Variants in FANCC observed in about 807,000 individuals in gnomAD.
FANCC encodes FA complementation group C.
FANCC carries 55 observed loss-of-function variants against 71.3 expected under a neutral mutation model. The observed-to-expected ratio is 0.77, with a 90% CI of 0.62 to 0.97. The LOEUF is 0.97. Ranked by LOEUF, FANCC falls within the 50% of genes least tolerant of loss-of-function variation. FANCC has a pLI of 0.00. For missense variants in FANCC, 678 were observed against 670.9 expected, an observed-to-expected ratio of 1.01 and a Z score of -0.12; for synonymous variants, 275 against 244.9, an observed-to-expected ratio of 1.12 and a Z score of -1.15.
chr9:95,125,631 T>G (rs1825861474), intron 9 of FANCC, among the ~76,000 whole-genome samples: 1 of 152,228 alleles, frequency 6.6e-6, no homozygotes, highest in African/African-American at 2.4e-5. Context: ...ACAATTAATT[T>G]TTCTTTATGT....
intron 4 of FANCC, among the ~76,000 whole-genome samples, chr9:95,214,054 A>T (rs1828688807): frequency 6.6e-6 from 1 of 152,248 alleles, no homozygotes; most frequent in Non-Finnish European, 1.5e-5. Flanking sequence ...GTTCAACACC[A>T]TTAATCATTA....
At chr9:95,249,046 TG>T in intron 2 of FANCC, 80 bp downstream of exon 2, 1 of 1,474,378 alleles carries the variant, frequency 6.8e-7, no homozygotes, top group Non-Finnish European at 9.4e-7. Flanking sequence ...GTCCCGATTC[TG>T]GGTGGCATTC....
chr9:95,293,508 A>T, intron 1 of FANCC: 1 of 1,590,878 alleles, frequency 6.3e-7, no homozygotes, highest in East Asian at 2.2e-5. Context: ...GAACTTGGGT[A>T]AAAGTCCATC....
At chr9:95,309,118 A>T (rs1314048745) in intron 1 of FANCC, among the ~76,000 whole-genome samples, 6 of 152,230 alleles carry the variant, frequency 3.9e-5, no homozygotes, top group Admixed American at 3.9e-4. Flanking sequence ...TGTTACTCCT[A>T]AAACTGGCTG....
In FANCC at chr9:95,195,626, A is replaced by G. The variant is rs137877346; in HGVS notation, c.346-23479T>C. ...TGCTTTTCCCTATAAATTCTAGAAT[A>G]AGTCTGCCTATGAATATAAAAAGCC... On this transcript the variant is annotated intron_variant, in intron 4 of 14. Coordinates refer to ENST00000289081, the MANE Select transcript of FANCC (RefSeq NM_000136.3). Among the ~76,000 whole-genome samples, 6 of 152,356 alleles carry G rather than the reference A, an allele frequency of 3.9e-5. No homozygotes were observed. The East Asian group carries it at 1.2e-3, about 29-fold the overall frequency.
At chr9:95,255,812 G>A (rs556916339) in intron 1 of FANCC, among the ~76,000 whole-genome samples, 4 of 152,146 alleles carry the variant, frequency 2.6e-5, no homozygotes, top group African/African-American at 9.6e-5. Context: ...AAAAAGGTTA[G>A]AGGAACTGCT....
intron 4 of FANCC, among the ~76,000 whole-genome samples, chr9:95,229,344 GCACA>G (rs1829840719): frequency 1.3e-5 from 2 of 151,286 alleles, no homozygotes; most frequent in East Asian, 1.9e-4. Flanking sequence ...CTCTAGGAGA[GCACA>G]CACAAAGATA....
intron 4 of FANCC, among the ~76,000 whole-genome samples, chr9:95,177,973 C>T (rs747959444): frequency 6.6e-6 from 1 of 152,210 alleles, no homozygotes; most frequent in African/African-American, 2.4e-5. Flanking sequence ...GACTCTCCAG[C>T]CCAAGCTTGT....
rs576605250 is a variant in FANCC, at chr9:95,244,678, C to CAAAAAAAA, written c.250+2746_250+2753dup. On this transcript the variant is annotated intron_variant, in intron 3 of 14. Coordinates refer to ENST00000289081, the MANE Select transcript of FANCC (RefSeq NM_000136.3). Reference sequence around the variant, plus strand: ...TAGGCAACAGAGCAAGACTTTGTCTCAAAAAAAAAAAAAAAAAAAAAAAAA... The same window carrying CAAAAAAAA: ...TAGGCAACAGAGCAAGACTTTGTCTCAAAAAAAAAAAAAAAAAAAAAAAAAAAAAAAAA... Among the ~76,000 whole-genome samples the CAAAAAAAA allele has an allele frequency of 2.2e-4, 9 of 41,570 alleles. 1 individual carries two copies. Among genetic ancestry groups the CAAAAAAAA allele is most frequent in the East Asian group, 8.9e-4 (1 of 1,124 alleles). The allele number at this position is 41,570 out of a possible 152,430, so 27.3% of individuals were successfully genotyped here.
At chr9:95,159,397 G>T (rs186796187) in intron 6 of FANCC, among the ~76,000 whole-genome samples, 1 of 152,302 alleles carries the variant, frequency 6.6e-6, no homozygotes, top group African/African-American at 2.4e-5. Flanking sequence ...ATTCCATGGT[G>T]TATTTGTGCC....
At chr9:95,117,444 C>T (rs1427968332) in intron 10 of FANCC, 54 bp from the exon 11 acceptor site, 1 of 1,465,182 alleles carries the variant, frequency 6.8e-7, no homozygotes, top group Admixed American at 1.8e-5. Context: ...GAAACGGGGT[C>T]AGGAAAATAC....
At chr9:95,276,207 C>A (rs1459762387) in intron 1 of FANCC, among the ~76,000 whole-genome samples, 3 of 152,194 alleles carry the variant, frequency 2.0e-5, no homozygotes, top group African/African-American at 7.2e-5. Flanking sequence ...AATGAATTTT[C>A]AACGTCAACT....
intron 1 of FANCC, among the ~76,000 whole-genome samples, chr9:95,261,820 A>G (rs1204894778): frequency 6.6e-6 from 1 of 152,222 alleles, no homozygotes; most frequent in Non-Finnish European, 1.5e-5. Context: ...GGCAGTGTCC[A>G]GTGAAGGACC....
chr9:95,195,966 C>T (rs4744445), intron 4 of FANCC, among the ~76,000 whole-genome samples: 34,177 of 152,066 alleles, frequency 0.22, 4,979 homozygotes, highest in Non-Finnish European at 0.33. Context: ...TATCCTGCAG[C>T]TCTGCTGACC....
At chr9:95,138,241 G>A (rs114909836) in intron 7 of FANCC, among the ~76,000 whole-genome samples, 8 of 152,342 alleles carry the variant, frequency 5.3e-5, no homozygotes, top group African/African-American at 1.7e-4. Flanking sequence ...ACAGGACCAC[G>A]TTGGCTCTGA....
chr9:95,153,917 T>C (rs1390800455), intron 6 of FANCC, among the ~76,000 whole-genome samples: 2 of 152,208 alleles, frequency 1.3e-5, no homozygotes, highest in South Asian at 2.1e-4. Context: ...CTTCAATGTG[T>C]TGTTTGTTGT....
intron 1 of FANCC, among the ~76,000 whole-genome samples, chr9:95,264,587 G>A (rs1225210841): frequency 2.0e-5 from 3 of 152,142 alleles, no homozygotes; most frequent in Non-Finnish European, 4.4e-5. Flanking sequence ...TCTCAAAGTG[G>A]AGGCGACCTG....
chr9:95,317,050 G>T (rs1835791185), intron 1 of FANCC: 1 of 152,468 alleles, frequency 6.6e-6, no homozygotes, highest in African/African-American at 2.4e-5. Flanking sequence ...CGGGGAGGAC[G>T]AGGCCAGCTG....
intron 4 of FANCC, chr9:95,186,629 A>G (rs1826732570): frequency 6.6e-6 from 1 of 152,240 alleles, no homozygotes; most frequent in South Asian, 2.1e-4. Context: ...ACAGAGTAAG[A>G]GTCAGTATAA....
Sources: gnomAD v4.1 joint callset for allele counts (sites outside exome capture counted in the v4.1 genomes callset) on GRCh38, gnomAD v4.1.1 for gene constraint, MANE v1.5 for transcripts, NCBI Gene and HGNC (gene_info 2026-07-23, HGNC 2026-07-21) for gene names.